Variants in POLE2 observed in about 807,000 individuals in gnomAD.
The protein encoded by POLE2 is DNA polymerase epsilon subunit 2.
A neutral mutation model predicts 79.4 loss-of-function variants in POLE2; 56 were observed. That is an observed-to-expected ratio of 0.71 (90% CI 0.57 to 0.88). The LOEUF is 0.88. POLE2 is among the 40% of genes least tolerant of loss of function. The pLI is 0.00. For synonymous variants in POLE2, 212 were observed against 214.0 expected, an observed-to-expected ratio of 0.99 and a Z score of 0.08; for missense variants, 598 against 638.9, an observed-to-expected ratio of 0.94 and a Z score of 0.69.
chr14:49,665,046 T>C lies in POLE2; in HGVS notation c.633+61A>G, dbSNP rs554992791. 5.1e-6 allele frequency: 4 copies of C among 786,222 alleles called. No individual in the cohort carries two copies. The East Asian group carries it at 7.5e-5, about 15-fold the overall frequency. 48.7% of individuals were successfully genotyped at this position (786,222 alleles called of 1,614,324 possible). A position where few individuals can be genotyped will look rare whatever the true frequency, so the allele number is the denominator to read the frequency against. The stretch of plus-strand genomic sequence containing the variant: ...AATAGGTAAATTTTAGAAGGATATA[T>C]AATCAATTTCCCCAATTCACGTAAT... On this transcript the variant is annotated intron_variant, in intron 8 of 18. Coordinates refer to ENST00000216367, the MANE Select transcript of POLE2 (RefSeq NM_002692.4).
rs751338245 is a variant in POLE2 at position 49,650,285 on chromosome 14, C to T, written c.1477G>A (p.Glu493Lys). The change falls in exon 17 of 19, where the codon GAA (glutamate) becomes AAA (lysine). Residue 493 changes from glutamate to lysine, a missense_variant. By Grantham distance (56) the Glu-to-Lys change is moderately conservative (BLOSUM62 1). Coordinates refer to ENST00000216367, the MANE Select transcript of POLE2 (RefSeq NM_002692.4). ...KYDPFTTTNT[E>K]CLCINPGSFP... Reference sequence around the variant, plus strand: ...CTTACAGGGTTTATGCAGAGGCATTCGGTATTTGTCGTAGTGAAAGGATCA... The same window carrying T: ...CTTACAGGGTTTATGCAGAGGCATTTGGTATTTGTCGTAGTGAAAGGATCA... 5.0e-6 allele frequency: 8 copies of T among 1,599,322 alleles called. No individual in the cohort carries two copies. The highest frequency in any genetic ancestry group is 4.5e-5 in the South Asian group (4 of 89,336).
At chr14:49,677,665 TG>T in intron 3 of POLE2, 1 of 863,072 alleles carries the variant, frequency 1.2e-6, no homozygotes, top group Non-Finnish European at 1.8e-6. Context: ...CCACAATGTT[TG>T]GGGAAGGCCC....
At position 49,688,137 on chromosome 14, in the gene POLE2, C is replaced by A. The variant is rs867789980; in HGVS notation, c.67G>T (p.Gly23Cys). The change falls in exon 1 of 19, where the codon GGT (glycine) becomes TGT (cysteine). Residue 23 changes from glycine (G) to cysteine (C), a missense_variant and splice_region_variant. Coordinates refer to ENST00000216367, the MANE Select transcript of POLE2 (RefSeq NM_002692.4). ...TTCAAGCTGCCCGAGCCCACTCACC[C>A]ACGGAGCAGCAAGCCCCGCAACTTG... ...AFKLRGLLLR[G>C]EAIKYLTEAL... 2 of 1,556,016 alleles carry A rather than the reference C, an allele frequency of 1.3e-6. No individual in the cohort carries two copies. Among genetic ancestry groups the A allele is most frequent in the Non-Finnish European group, 8.7e-7 (1 of 1,151,314 alleles).
chr14:49,659,617 G>A (rs1424505250), intron 10 of POLE2, among the ~76,000 whole-genome samples: 1 of 152,082 alleles, frequency 6.6e-6, no homozygotes, highest in Admixed American at 6.5e-5. Flanking sequence ...GTCTTCCTTT[G>A]TCACTCTGGC....
chr14:49,673,559 T>C (rs2139669671), intron 5 of POLE2, among the ~76,000 whole-genome samples: 1 of 152,364 alleles, frequency 6.6e-6, no homozygotes, highest in South Asian at 2.1e-4. Flanking sequence ...AAGCCTTTCC[T>C]GATTTTTCTA....
At chr14:49,652,859 C>T (rs541868330) in intron 15 of POLE2, among the ~76,000 whole-genome samples, 1 of 152,164 alleles carries the variant, frequency 6.6e-6, no homozygotes, top group African/African-American at 2.4e-5. Context: ...ACCCCCACCC[C>T]CCCTGGCGTC....
At chr14:49,650,543 A>T (rs1884143829) in intron 16 of POLE2, 102 bp from the exon 17 acceptor site, 9 of 678,512 alleles carry the variant, frequency 1.3e-5, no homozygotes, top group Non-Finnish European at 2.0e-5. Flanking sequence ...AAAAGGAACC[A>T]GAAAATTTGA....
intron 10 of POLE2, among the ~76,000 whole-genome samples, chr14:49,656,559 A>G (rs1884693937): frequency 6.6e-6 from 1 of 152,194 alleles, no homozygotes; most frequent in Non-Finnish European, 1.5e-5. Flanking sequence ...GCCTATATCC[A>G]AGAACTGTGA....
At position 49,674,399 on chromosome 14, in the gene POLE2, A is replaced by C. The variant is rs1359599479; in HGVS notation, c.274T>G (p.Phe92Val). ...IEHVFNIIGA[F>V]DIPRFVYNSE... ...TTGTACACAAAGCGTGGAATATCAA[A>C]TGCTCCTATGATATTGAAAACGTGC... The change falls in exon 4 of 19, where the codon TTT becomes GTT. Residue 92 changes from phenylalanine to valine, a missense_variant. Transcript: ENST00000216367. 2 of 1,611,200 alleles carry C rather than the reference A, an allele frequency of 1.2e-6. No homozygotes were observed. The highest frequency in any genetic ancestry group is 2.2e-5 in the South Asian group (2 of 90,964).
intron 15 of POLE2, among the ~76,000 whole-genome samples, chr14:49,653,434 A>G (rs1326989124): frequency 6.6e-6 from 1 of 152,204 alleles, no homozygotes; most frequent in Admixed American, 6.5e-5. Flanking sequence ...ATATGTAGTA[A>G]TAATATCTAT....
rs116865005 is a variant in POLE2, at chr14:49,672,040, T to C, written c.417+2083A>G. 1.9e-3 allele frequency among the ~76,000 whole-genome samples: 282 copies of C among 152,222 alleles called. 7 individuals carry two copies. The East Asian group carries it at 0.042, about 23-fold the overall frequency. On this transcript the variant is annotated intron_variant, in intron 5 of 18. Coordinates refer to ENST00000216367, the MANE Select transcript of POLE2 (RefSeq NM_002692.4). ...GAAAGGAGGAATCTGAGAAAAGCCT[T>C]CCAAAATAGGACGGTTTCAACAGTG... is the stretch of plus-strand genomic sequence containing the variant.
intron 17 of POLE2, among the ~76,000 whole-genome samples, chr14:49,648,005 T>G (rs978431349): frequency 1.3e-5 from 2 of 152,216 alleles, no homozygotes; most frequent in Admixed American, 1.3e-4. Context: ...ACAGACTGTG[T>G]AACGCCAAAT....
intron 10 of POLE2, 67 bp downstream of exon 10, chr14:49,663,248 C>A (rs1164571919): frequency 2.3e-5 from 16 of 699,420 alleles, no homozygotes; most frequent in Non-Finnish European, 3.2e-5. Flanking sequence ...ATATGACGTA[C>A]TATCTTACAT....
intron 18 of POLE2, among the ~76,000 whole-genome samples, chr14:49,645,059 C>CAAA (rs1285927328): frequency 3.8e-5 from 5 of 130,862 alleles, no homozygotes; most frequent in Admixed American, 8.3e-5. Flanking sequence ...AAAAAAAAAA[C>CAAA]ACTGCAGTAA....
At chr14:49,677,699 C>T (rs776733679) in intron 3 of POLE2, 37 of 1,351,120 alleles carry the variant, frequency 2.7e-5, no homozygotes, top group Admixed American at 4.4e-5. Context: ...GTTCAAGAAA[C>T]GTGACAGTGT....
chr14:49,674,349 C>A lies in POLE2; in HGVS notation c.323+1G>T. 1.4e-5 allele frequency: 23 copies of A among 1,589,962 alleles called. No individual in the cohort carries two copies. Among genetic ancestry groups the A allele is most frequent in the Non-Finnish European group, 1.9e-5 (22 of 1,158,962 alleles). On this transcript the variant is annotated splice_donor_variant, in intron 4 of 18. Coordinates refer to ENST00000216367, the MANE Select transcript of POLE2 (RefSeq NM_002692.4). LOFTEE classifies it high-confidence loss of function. Reference sequence around the variant, plus strand: ...TTAAAATCAGTGGATGACATACTTACGGAAGAAATTTTTTTCTTTCTGAAT... The same window carrying A: ...TTAAAATCAGTGGATGACATACTTAAGGAAGAAATTTTTTTCTTTCTGAAT...
At chr14:49,651,803 G>A (rs1884259315) in intron 15 of POLE2, among the ~76,000 whole-genome samples, 1 of 152,164 alleles carries the variant, frequency 6.6e-6, no homozygotes. Flanking sequence ...TCATAATTTA[G>A]TGTGACTTGA....
At chr14:49,670,105 C>T (rs1047458917) in intron 5 of POLE2, among the ~76,000 whole-genome samples, 1 of 151,984 alleles carries the variant, frequency 6.6e-6, no homozygotes, top group Non-Finnish European at 1.5e-5. Flanking sequence ...CACCTGAGGT[C>T]AGGAGTTCGA....
At chr14:49,659,685 A>C (rs975178700) in intron 10 of POLE2, among the ~76,000 whole-genome samples, 2 of 152,152 alleles carry the variant, frequency 1.3e-5, no homozygotes, top group African/African-American at 4.8e-5. Flanking sequence ...GGCTCAAGCA[A>C]TGCTGCCACT....
Sources: gnomAD v4.1 joint callset for allele counts (sites outside exome capture counted in the v4.1 genomes callset) on GRCh38, gnomAD v4.1.1 for gene constraint, MANE v1.5 for transcripts, NCBI Gene and HGNC (gene_info 2026-07-23, HGNC 2026-07-21) for gene names.